AK8: variants seen among roughly 807,000 people sequenced by gnomAD.
AK8 encodes the protein adenylate kinase 8.
Under a neutral mutation model 54.6 loss-of-function variants are expected in AK8, and 44 were observed. The observed-to-expected ratio is 0.81, with a 90% confidence interval of 0.63 to 1.04. AK8 has a LOEUF of 1.04. Ranked by LOEUF, AK8 falls within the 50% of genes least tolerant of loss-of-function variation. AK8 has a pLI of 0.00. For missense variants in AK8, 555 were observed against 613.6 expected (o/e 0.90, Z 1.01); for synonymous variants, 239 against 245.6 (o/e 0.97, Z 0.25).
chr9:132,829,611 C>A (rs1177470974), intron 5 of AK8, among the ~76,000 whole-genome samples: 1 of 143,870 alleles, frequency 7.0e-6, no homozygotes, highest in African/African-American at 2.5e-5. Flanking sequence ...AAAAAAAAAA[C>A]CCTGGACGAT....
At chr9:132,854,775 T>C (rs542304646) in intron 5 of AK8, 82 bp downstream of exon 5, 5 of 1,459,666 alleles carry the variant, frequency 3.4e-6, no homozygotes, top group Non-Finnish European at 4.8e-6. Flanking sequence ...CCTCTGGTCA[T>C]CTCTGGTCTT....
Position 132,826,924 on chromosome 9 carries a change from G to A in AK8, c.687C>T (p.Val229=). 1 of 1,614,258 alleles carries A rather than the reference G, an allele frequency of 6.2e-7. No individual in the cohort carries two copies. The highest frequency in any genetic ancestry group is 8.5e-7 in the Non-Finnish European group (1 of 1,180,044). ...LLEYHRNIVR[V]IPSYPKILKV... ...TGAGGATTTTGGGGTAGGAGGGAATGACCCTGACGATGTTCCTATGATACT... is the reference window on the plus strand; with the variant it reads ...TGAGGATTTTGGGGTAGGAGGGAATAACCCTGACGATGTTCCTATGATACT... The change falls in exon 8 of 13, where the codon GTC becomes GTT. Residue 229 remains valine (V), a synonymous_variant. Coordinates refer to ENST00000298545, the MANE Select transcript of AK8 (RefSeq NM_152572.3). This position sits in a 1 kb window ranked among gnomAD's most constrained non-coding sequence, Gnocchi z 4.5.
At chr9:132,740,472 T>C (rs191156869) in intron 11 of AK8, among the ~76,000 whole-genome samples, 1 of 152,238 alleles carries the variant, frequency 6.6e-6, no homozygotes, top group African/African-American at 2.4e-5. Flanking sequence ...GAGCTCATCT[T>C]GCACTTAGTG....
chr9:132,755,683 C>T (rs1387187380), intron 11 of AK8, among the ~76,000 whole-genome samples: 1 of 152,178 alleles, frequency 6.6e-6, no homozygotes, highest in East Asian at 1.9e-4. Flanking sequence ...TGCATTATAG[C>T]ATCCCAGGGC....
chr9:132,793,187 G>A (rs999826786), intron 10 of AK8, among the ~76,000 whole-genome samples: 5 of 152,180 alleles, frequency 3.3e-5, no homozygotes, highest in African/African-American at 7.2e-5. Context: ...CACAGATGGT[G>A]CCTTCTTGCT....
At chr9:132,859,453 C>A (rs1843299694) in intron 4 of AK8, among the ~76,000 whole-genome samples, 1 of 152,146 alleles carries the variant, frequency 6.6e-6, no homozygotes, top group Admixed American at 6.5e-5. Context: ...AGGTGGCGAT[C>A]CTCCCGCCTC....
At chr9:132,825,412 TAAGTA>T (rs748011393) in intron 8 of AK8, among the ~76,000 whole-genome samples, 1 of 152,184 alleles carries the variant, frequency 6.6e-6, no homozygotes, top group Non-Finnish European at 1.5e-5. Flanking sequence ...TAAATTTAAT[TAAGTA>T]ATTTGGAAGT....
chr9:132,822,648 G>A (rs1484980856), intron 9 of AK8, among the ~76,000 whole-genome samples: 2 of 151,902 alleles, frequency 1.3e-5, no homozygotes, highest in Non-Finnish European at 2.9e-5. Context: ...ATCCAAGACC[G>A]CCTGGGACCA....
intron 10 of AK8, among the ~76,000 whole-genome samples, chr9:132,814,266 G>T (rs1841210897): frequency 9.7e-6 from 1 of 102,936 alleles, no homozygotes. Flanking sequence ...GTGACAGATT[G>T]ATACCCTGTC....
At chr9:132,777,825 G>A (rs1839288313) in intron 11 of AK8, among the ~76,000 whole-genome samples, 1 of 152,196 alleles carries the variant, frequency 6.6e-6, no homozygotes, top group Non-Finnish European at 1.5e-5. Flanking sequence ...TAAAGAAAGA[G>A]AAGAGCCCAG....
chr9:132,819,978 G>C (rs934332317), intron 9 of AK8, among the ~76,000 whole-genome samples: 4 of 151,762 alleles, frequency 2.6e-5, no homozygotes, highest in Non-Finnish European at 5.9e-5. Context: ...GGGCAACATA[G>C]AGAGATTCCC....
intron 7 of AK8, chr9:132,827,767 A>C (rs1841934720): frequency 2.0e-6 from 1 of 509,880 alleles, no homozygotes. Context: ...ATGACCCCCC[A>C]CACTCTATTC....
chr9:132,823,599 A>C (rs1051170931), intron 8 of AK8, among the ~76,000 whole-genome samples: 1 of 152,198 alleles, frequency 6.6e-6, no homozygotes, highest in South Asian at 2.1e-4. Flanking sequence ...AGGCGTCTAA[A>C]CACGTGCAGG....
intron 10 of AK8, among the ~76,000 whole-genome samples, chr9:132,794,758 T>C (rs1172080774): frequency 6.6e-6 from 1 of 152,184 alleles, no homozygotes; most frequent in Admixed American, 6.5e-5. Flanking sequence ...TGACCAGACT[T>C]TGGGGAAGCC....
At chr9:132,839,525 G>A (rs1425815552) in intron 5 of AK8, among the ~76,000 whole-genome samples, 1 of 152,166 alleles carries the variant, frequency 6.6e-6, no homozygotes, top group Admixed American at 6.5e-5. Flanking sequence ...AATAAGAGGC[G>A]ATGTCTAGAA....
intron 3 of AK8, among the ~76,000 whole-genome samples, chr9:132,864,041 A>C (rs1843493724): frequency 6.6e-6 from 1 of 152,206 alleles, no homozygotes; most frequent in Non-Finnish European, 1.5e-5. Context: ...GTTACATTTT[A>C]GCTGCCCTTG....
chr9:132,878,008 G>T lies in AK8; in HGVS notation c.84+164C>A. 6.6e-7 allele frequency: 1 copy of T among 1,509,522 alleles called. No homozygotes were observed. The allele number at this position is 1,509,522 out of a possible 1,614,324, so 93.5% of individuals were successfully genotyped here. The stretch of plus-strand genomic sequence containing the variant: ...GACCAGGAGCGTCCCCAGCTCGAGG[G>T]CCCCCTCGGGGTCACGGCGACACAC... On this transcript the variant is annotated intron_variant, in intron 1 of 12. Transcript: ENST00000298545. The surrounding 1 kb of genome is among the most constrained non-coding windows in gnomAD (Gnocchi z 4.7).
At chr9:132,733,045 C>T (rs1298041345) in intron 11 of AK8, among the ~76,000 whole-genome samples, 1 of 152,180 alleles carries the variant, frequency 6.6e-6, no homozygotes, top group Non-Finnish European at 1.5e-5. Context: ...CGCCAGGAAG[C>T]TCCTCACTGG....
At chr9:132,839,830 G>GGC (rs545404889) in intron 5 of AK8, among the ~76,000 whole-genome samples, 10,616 of 141,454 alleles carry the variant, frequency 0.075, 1,107 homozygotes, top group African/African-American at 0.12. Context: ...CGGGGGGGGG[G>GGC]GCGCAGGGAC....
Sources: gnomAD v4.1 joint callset for allele counts (sites outside exome capture counted in the v4.1 genomes callset) on GRCh38, gnomAD v4.1.1 for gene constraint, Gnocchi (gnomAD v3.1) non-coding constraint, MANE v1.5 for transcripts, NCBI Gene and HGNC (gene_info 2026-07-23, HGNC 2026-07-21) for gene names.